The following CTNNA2 variants were observed in gnomAD, a reference collection of about 807,000 sequenced individuals.
CTNNA2 encodes catenin alpha 2.
Under a neutral mutation model 101.0 loss-of-function variants are expected in CTNNA2, and 42 were observed. That is an observed-to-expected ratio of 0.42 (90% CI 0.32 to 0.54). The LOEUF is 0.54. CTNNA2 is among the 20% of genes least tolerant of loss of function. The pLI is 0.14. For synonymous variants in CTNNA2, 450 were observed against 456.4 expected, an observed-to-expected ratio of 0.99 and a Z score of 0.18; for missense variants, 871 against 1,223.1, an observed-to-expected ratio of 0.71 and a Z score of 4.29.
chr2:79,375,563 T>C (rs1043574081), intron 4 of CTNNA2, among the ~76,000 whole-genome samples: 1 of 152,092 alleles, frequency 6.6e-6, no homozygotes, highest in Non-Finnish European at 1.5e-5. Context: ...ATATAAGAAA[T>C]ACTGAGACCT....
chr2:80,408,930 C>T (rs143312258), intron 8 of CTNNA2, among the ~76,000 whole-genome samples: 6 of 152,240 alleles, frequency 3.9e-5, no homozygotes, highest in Non-Finnish European at 5.9e-5. Context: ...TAACGATGCT[C>T]ACCCTACAAA....
chr2:80,632,819 A>G, intron 18 of CTNNA2, among the ~76,000 whole-genome samples: 1 of 152,210 alleles, frequency 6.6e-6, no homozygotes, highest in East Asian at 1.9e-4. Flanking sequence ...ATAGTCACAG[A>G]CTTCTCTAAA....
chr2:80,002,976 G>T (rs1414271916), intron 7 of CTNNA2, among the ~76,000 whole-genome samples: 1 of 151,994 alleles, frequency 6.6e-6, no homozygotes, highest in Non-Finnish European at 1.5e-5. Flanking sequence ...ATTTCTCTGG[G>T]CTCAGATATT....
chr2:80,565,169 GTTTT>G (rs1693945482), intron 12 of CTNNA2, among the ~76,000 whole-genome samples: 1 of 152,044 alleles, frequency 6.6e-6, no homozygotes, highest in South Asian at 2.1e-4. Flanking sequence ...GAATTGTTTT[GTTTT>G]TATTTTCTGG....
At position 79,664,087 on chromosome 2, in the gene CTNNA2, G is replaced by A. The variant is rs1354048184; in HGVS notation, c.102+12429G>A. Among the ~76,000 whole-genome samples, 4 of 152,198 alleles carry A rather than the reference G, an allele frequency of 2.6e-5. No individual in the cohort carries two copies. In the South Asian group the frequency reaches 8.3e-4, roughly 32 times the overall value. Reference sequence around the variant, plus strand: ...GTGTATGAATGTTTTAATACTCAGCGACCTCACTAAGCAATGAAATGTGTT... The same window carrying A: ...GTGTATGAATGTTTTAATACTCAGCAACCTCACTAAGCAATGAAATGTGTT... On this transcript the variant is annotated intron_variant, in intron 2 of 18. Transcript: ENST00000402739.
intron 1 of CTNNA2, among the ~76,000 whole-genome samples, chr2:79,609,750 C>T (rs563030068): frequency 6.6e-6 from 1 of 151,746 alleles, no homozygotes; most frequent in African/African-American, 2.4e-5. Context: ...ATCCATATGC[C>T]AAAAAAATGA....
intron 4 of CTNNA2, among the ~76,000 whole-genome samples, chr2:79,417,056 A>G (rs988873073): frequency 6.6e-6 from 1 of 152,136 alleles, no homozygotes; most frequent in Non-Finnish European, 1.5e-5. Context: ...CTATCACCAG[A>G]AAATGTATGC....
intron 7 of CTNNA2, among the ~76,000 whole-genome samples, chr2:80,043,081 TTCTTTCTTTCTTTC>T (rs1434986789): frequency 6.2e-4 from 27 of 43,620 alleles, no homozygotes; most frequent in African/African-American, 1.7e-3. Context: ...CTTTCTTTCT[TTCTTTCTTTCTTTC>T]TCTCTCTCTC....
chr2:80,233,110 C>T (rs1012265049), intron 7 of CTNNA2, among the ~76,000 whole-genome samples: 1 of 152,120 alleles, frequency 6.6e-6, no homozygotes, highest in African/African-American at 2.4e-5. Context: ...TGAACTGCCA[C>T]CCTGAAAATT....
intron 1 of CTNNA2, among the ~76,000 whole-genome samples, chr2:79,591,054 T>A (rs1676813898): frequency 6.6e-6 from 1 of 152,190 alleles, no homozygotes; most frequent in Non-Finnish European, 1.5e-5. Context: ...ATGGGAGATA[T>A]CTTTATGTTG....
intron 2 of CTNNA2, among the ~76,000 whole-genome samples, chr2:79,308,502 G>A (rs539364458): frequency 5.1e-4 from 77 of 152,212 alleles, no homozygotes; most frequent in Non-Finnish European, 8.4e-4. Context: ...AAGATTTTTA[G>A]CTTGATATAT....
At chr2:79,283,326 C>G (rs1675454332) in intron 2 of CTNNA2, among the ~76,000 whole-genome samples, 1 of 108,624 alleles carries the variant, frequency 9.2e-6, no homozygotes, top group Non-Finnish European at 2.1e-5. Context: ...GACATGAAGT[C>G]CTTGCCCATG....
At chr2:80,432,409 G>A (rs1188175379) in intron 9 of CTNNA2, among the ~76,000 whole-genome samples, 1 of 152,128 alleles carries the variant, frequency 6.6e-6, no homozygotes, top group Non-Finnish European at 1.5e-5. Context: ...TAATACAAAT[G>A]CACCTTTTGA....
chr2:80,393,911 T>G (rs1677754434), intron 8 of CTNNA2, among the ~76,000 whole-genome samples: 1 of 152,174 alleles, frequency 6.6e-6, no homozygotes, highest in South Asian at 2.1e-4. Context: ...CGCTGGTAAA[T>G]GTTGCCTTAG....
intron 8 of CTNNA2, among the ~76,000 whole-genome samples, chr2:80,412,663 C>A (rs1679689089): frequency 6.6e-6 from 1 of 152,112 alleles, no homozygotes; most frequent in East Asian, 1.9e-4. Context: ...CAGGGGCATA[C>A]AGCAATAGCA....
chr2:79,653,939 A>G (rs912404807), intron 2 of CTNNA2, among the ~76,000 whole-genome samples: 23 of 152,226 alleles, frequency 1.5e-4, no homozygotes, highest in African/African-American at 4.8e-4. Context: ...CCGGTTTCCA[A>G]TAACATGTTT....
At chr2:79,751,325 G>C (rs12620196) in intron 3 of CTNNA2, among the ~76,000 whole-genome samples, 22,151 of 152,102 alleles carry the variant, frequency 0.15, 2,154 homozygotes, top group East Asian at 0.46. Flanking sequence ...TGGGCAGGGT[G>C]GCACATGCCT....
intron 2 of CTNNA2, among the ~76,000 whole-genome samples, chr2:79,256,995 T>C (rs1241233754): frequency 1.4e-4 from 21 of 152,174 alleles, no homozygotes; most frequent in Admixed American, 3.3e-4. Context: ...ACGTATTTAC[T>C]CATGGAATAA....
intron 3 of CTNNA2, among the ~76,000 whole-genome samples, chr2:79,318,760 G>A (rs1245856143): frequency 6.6e-6 from 1 of 152,158 alleles, no homozygotes; most frequent in Non-Finnish European, 1.5e-5. Context: ...CTGCTTTCTT[G>A]CTACAACAGA....
Sources: gnomAD v4.1 joint callset for allele counts (sites outside exome capture counted in the v4.1 genomes callset) on GRCh38, gnomAD v4.1.1 for gene constraint, MANE v1.5 for transcripts, NCBI Gene and HGNC (gene_info 2026-07-23, HGNC 2026-07-21) for gene names.